Variants in OSBPL1A observed in about 807,000 individuals in gnomAD.
The protein encoded by OSBPL1A is oxysterol-binding protein-related protein 1.
OSBPL1A carries 80 observed loss-of-function variants against 137.1 expected under a neutral mutation model. That is an observed-to-expected ratio of 0.58 (90% CI 0.49 to 0.70). The LOEUF (loss-of-function observed/expected upper bound fraction) is 0.70. OSBPL1A is among the 30% of genes least tolerant of loss of function. The pLI is 0.00. For synonymous variants in OSBPL1A, 365 were observed against 389.7 expected, an observed-to-expected ratio of 0.94 and a Z score of 0.75; for missense variants, 970 against 1,129.4, an observed-to-expected ratio of 0.86 and a Z score of 2.02.
chr18:24,315,319 GAC>G (rs1474242485), intron 11 of OSBPL1A, among the ~76,000 whole-genome samples: 1 of 152,042 alleles, frequency 6.6e-6, no homozygotes, highest in Admixed American at 6.6e-5. Context: ...AAGGGAAAGA[GAC>G]AGAGAGATGG....
chr18:24,361,293 C>G (rs1277530656), intron 4 of OSBPL1A, among the ~76,000 whole-genome samples: 1 of 152,208 alleles, frequency 6.6e-6, no homozygotes, highest in Non-Finnish European at 1.5e-5. Context: ...CCCCAAAGTG[C>G]TGGCATTACA....
In OSBPL1A at chr18:24,254,563, A is replaced by T. The variant is rs944516656; in HGVS notation, c.1282-15181T>A. ...GAGGAATTTTGGAAACTATACAAAC[A>T]AACAATATGCTCCTGAATGACCAGT... On this transcript the variant is annotated intron_variant, in intron 15 of 27. Transcript: ENST00000319481. Among the ~76,000 whole-genome samples the T allele has an allele frequency of 1.2e-4, 18 of 152,224 alleles. 1 individual carries two copies. The highest frequency in any genetic ancestry group is 4.1e-4 in the African/African-American group (17 of 41,454).
chr18:24,283,625 G>A (rs11873350), intron 14 of OSBPL1A, among the ~76,000 whole-genome samples: 21,537 of 151,900 alleles, frequency 0.14, 2,506 homozygotes, highest in African/African-American at 0.32. Context: ...GTCTCAACAC[G>A]AACTGTGGAC....
chr18:24,167,126 C>T (rs968860544), intron 25 of OSBPL1A, among the ~76,000 whole-genome samples: 1 of 152,196 alleles, frequency 6.6e-6, no homozygotes, highest in African/African-American at 2.4e-5. Flanking sequence ...ATCCTCCCAG[C>T]CAGATGCCAG....
intron 17 of OSBPL1A, among the ~76,000 whole-genome samples, chr18:24,210,183 T>G (rs1040018554): frequency 7.9e-5 from 12 of 152,082 alleles, no homozygotes; most frequent in African/African-American, 2.9e-4. Context: ...TCCTAGCACT[T>G]TGGGAGGCCG....
intron 17 of OSBPL1A, among the ~76,000 whole-genome samples, chr18:24,223,975 A>G (rs2087978776): frequency 6.6e-6 from 1 of 152,164 alleles, no homozygotes; most frequent in Non-Finnish European, 1.5e-5. Context: ...ACTGCACTCC[A>G]AAGAAACTGA....
chr18:24,258,978 G>A (rs1354713181), intron 15 of OSBPL1A, among the ~76,000 whole-genome samples: 4 of 122,624 alleles, frequency 3.3e-5, no homozygotes, highest in Non-Finnish European at 4.8e-5. Flanking sequence ...TCGCTCTGTC[G>A]CCAGGCTGGA....
intron 7 of OSBPL1A, among the ~76,000 whole-genome samples, chr18:24,330,889 G>A (rs1483076089): frequency 6.6e-6 from 1 of 152,094 alleles, no homozygotes; most frequent in Non-Finnish European, 1.5e-5. Flanking sequence ...CCACCTCCTG[G>A]GTTCAAGCAA....
chr18:24,182,256 A>G (rs1417363233), intron 18 of OSBPL1A, among the ~76,000 whole-genome samples: 1 of 152,216 alleles, frequency 6.6e-6, no homozygotes, highest in Non-Finnish European at 1.5e-5. Context: ...ACAATTAGGA[A>G]GTTTCTGACC....
rs907238094 is a variant in OSBPL1A at position 24,243,046 on chromosome 18, A to G, written c.1282-3664T>C. Among the ~76,000 whole-genome samples, 7 of 152,256 alleles carry G rather than the reference A, an allele frequency of 4.6e-5. 1 individual carries two copies. In the South Asian group the frequency reaches 8.3e-4, roughly 18 times the overall value. On this transcript the variant is annotated intron_variant, in intron 15 of 27. Coordinates refer to ENST00000319481, the MANE Select transcript of OSBPL1A (RefSeq NM_080597.4). ...TGACTTCGAGACCAGCCTGGCCAAC[A>G]CAGCGAAACCCCATCTCTACTGAAA...
Position 24,226,442 on chromosome 18 carries a change from G to A in OSBPL1A, c.1445-1244C>T, listed in dbSNP as rs369861714. ...TTTCATTAAAATGGAAATTCACGACGACCTCCAACTTCCCATCTTAAGCAG... is the reference window on the plus strand; with the variant it reads ...TTTCATTAAAATGGAAATTCACGACAACCTCCAACTTCCCATCTTAAGCAG... On this transcript the variant is annotated intron_variant, in intron 16 of 27. Transcript: ENST00000319481. Among the ~76,000 whole-genome samples, 6 of 152,008 alleles carry A rather than the reference G, an allele frequency of 3.9e-5. No individual in the cohort carries two copies. The East Asian group carries it at 1.2e-3, about 29-fold the overall frequency.
intron 20 of OSBPL1A, among the ~76,000 whole-genome samples, chr18:24,179,483 A>G (rs1375103614): frequency 1.3e-5 from 2 of 152,034 alleles, no homozygotes; most frequent in African/African-American, 4.8e-5. Context: ...TGATCTACAT[A>G]AGGAAAAAAG....
intron 16 of OSBPL1A, among the ~76,000 whole-genome samples, chr18:24,228,862 T>C (rs1380881610): frequency 6.6e-6 from 1 of 152,038 alleles, no homozygotes; most frequent in East Asian, 1.9e-4. Flanking sequence ...CGGGCAGACA[T>C]GAGACTGTGA....
At chr18:24,217,602 T>G (rs939955122) in intron 17 of OSBPL1A, among the ~76,000 whole-genome samples, 7 of 152,040 alleles carry the variant, frequency 4.6e-5, no homozygotes, top group Admixed American at 6.5e-5. Flanking sequence ...GTAGAAGGAG[T>G]GACAGAATTG....
intron 7 of OSBPL1A, among the ~76,000 whole-genome samples, chr18:24,330,794 G>A (rs897344916): frequency 6.7e-6 from 1 of 149,572 alleles, no homozygotes; most frequent in African/African-American, 2.5e-5. Context: ...ATTCCTTTAT[G>A]AAACTATTTC....
rs1287853811 is a variant in OSBPL1A at position 24,225,213 on chromosome 18, G to A, written c.1445-15C>T. The A allele has an allele frequency of 2.5e-6, 4 of 1,613,704 alleles. No individual in the cohort carries two copies. The highest frequency in any genetic ancestry group is 3.4e-6 in the Non-Finnish European group (4 of 1,179,698). ...GGACTCGGAATCTGTGGCAGAGCAG[G>A]TTCATAGTTAATGAATTGAACTTGG... On this transcript the variant is annotated splice_polypyrimidine_tract_variant and intron_variant, in intron 16 of 27. Coordinates refer to ENST00000319481, the MANE Select transcript of OSBPL1A (RefSeq NM_080597.4).
chr18:24,249,548 C>A (rs1392861688), intron 15 of OSBPL1A, among the ~76,000 whole-genome samples: 1 of 152,200 alleles, frequency 6.6e-6, no homozygotes, highest in Non-Finnish European at 1.5e-5. Flanking sequence ...CCAACACCAA[C>A]CCTCCCCTAT....
chr18:24,355,985 C>CAAAAAAAAAAAAAAAA (rs200338021), intron 4 of OSBPL1A, among the ~76,000 whole-genome samples: 1 of 97,426 alleles, frequency 1.0e-5, no homozygotes, highest in South Asian at 3.6e-4. Context: ...ACTCTTGTCT[C>CAAAAAAAAAAAAAAAA]AAAAAAAAAA....
At chr18:24,174,346 CCAA>C (rs1468622597) in intron 21 of OSBPL1A, among the ~76,000 whole-genome samples, 1 of 152,200 alleles carries the variant, frequency 6.6e-6, no homozygotes, top group Non-Finnish European at 1.5e-5. Context: ...CATTCCAACA[CCAA>C]CAATACACAG....
Sources: allele counts gnomAD v4.1 joint callset (sites outside exome capture counted in the v4.1 genomes callset), GRCh38; gene constraint gnomAD v4.1.1; transcripts MANE v1.5; gene names NCBI Gene and HGNC (gene_info 2026-07-23, HGNC 2026-07-21).